MFSD2B: variants seen among roughly 807,000 people sequenced by gnomAD.
MFSD2B encodes sphingosine-1-phosphate transporter MFSD2B.
Under a neutral mutation model 58.4 loss-of-function variants are expected in MFSD2B, and 56 were observed. That is an observed-to-expected ratio of 0.96 (90% CI 0.77 to 1.20). The LOEUF is 1.20. Ranked by LOEUF, MFSD2B falls within the 50% of genes most tolerant of loss-of-function variation. The pLI is 0.00. For missense variants in MFSD2B, 645 were observed against 667.6 expected (o/e 0.97, Z 0.37); for synonymous variants, 287 against 294.4 (o/e 0.97, Z 0.26).
intron 1 of MFSD2B, among the ~76,000 whole-genome samples, chr2:24,011,332 A>G (rs2150936255): frequency 6.6e-6 from 1 of 152,376 alleles, no homozygotes; most frequent in African/African-American, 2.4e-5. Flanking sequence ...GGGGGATACA[A>G]GAGTCCCCAT....
rs766988877 is a variant in MFSD2B at position 24,016,869 on chromosome 2, C to T, written c.372C>T (p.Ile124=). ...MPWVLGCTPF[I]ALAYFFLWFL... is the part of the protein sequence containing the mutation. Reference sequence around the variant, plus strand: ...GGGTGCTGGGCTGCACCCCCTTCATCGCCCTGGCCTACTTCTTCCTGTGGT... The same window carrying T: ...GGGTGCTGGGCTGCACCCCCTTCATTGCCCTGGCCTACTTCTTCCTGTGGT... Residue 124 remains isoleucine (I), a synonymous_variant, in exon 4 of 14, where the codon ATC becomes ATT. Coordinates refer to ENST00000338315, the MANE Select transcript of MFSD2B (RefSeq NM_001346880.2). 7.4e-6 allele frequency: 12 copies of T among 1,613,636 alleles called. No individual in the cohort carries two copies. In the African/African-American group the frequency reaches 8.0e-5, roughly 11 times the overall value.
In MFSD2B at chr2:24,023,061, G is replaced by A. The variant is rs1462769420; in HGVS notation, c.1060-69G>A. On this transcript the variant is annotated intron_variant, in intron 10 of 13. Transcript: ENST00000338315. The surrounding 1 kb of genome is among the most constrained non-coding windows in gnomAD (Gnocchi z 5.0). ...GCAAGGCATGGGGGTCGTCAGTCGA[G>A]TCGTGTGTGAAGGAGCAGGCCCCAC... The A allele has an allele frequency of 4.2e-6, 6 of 1,416,524 alleles. No homozygotes were observed. Among genetic ancestry groups the A allele is most frequent in the Non-Finnish European group, 6.0e-6 (6 of 1,006,308 alleles). The allele number at this position is 1,416,524 out of a possible 1,614,324, so 87.7% of individuals were successfully genotyped here.
chr2:24,025,318 A>T, intron 13 of MFSD2B, 114 bp from the exon 14 acceptor site: 4 of 871,526 alleles, frequency 4.6e-6, no homozygotes, highest in Non-Finnish European at 7.4e-6. Context: ...GGAGTTGAAG[A>T]GGAGTTGCTG....
In MFSD2B at chr2:24,022,767, C is replaced by A; in HGVS notation, c.979-55C>A. 2 of 1,371,434 alleles carry A rather than the reference C, an allele frequency of 1.5e-6. No homozygotes were observed. The highest frequency in any genetic ancestry group is 2.0e-6 in the Non-Finnish European group (2 of 1,020,958). 85.0% of individuals were successfully genotyped at this position (1,371,434 alleles called of 1,614,324 possible). On this transcript the variant is annotated intron_variant, in intron 9 of 13. Coordinates refer to ENST00000338315, the MANE Select transcript of MFSD2B (RefSeq NM_001346880.2). The surrounding 1 kb of genome is among the most constrained non-coding windows in gnomAD (Gnocchi z 4.5). The stretch of plus-strand genomic sequence containing the variant: ...ATCTAAAAGCCAAGGCCTTGGGGTC[C>A]CAGGCAAAGGCGCTGGCAGCACGGC...
At chr2:24,011,971 TG>T (rs1708968407) in intron 1 of MFSD2B, among the ~76,000 whole-genome samples, 1 of 151,912 alleles carries the variant, frequency 6.6e-6, no homozygotes, top group African/African-American at 2.4e-5. Flanking sequence ...GCAACAGACT[TG>T]ATGATTTTGA....
Position 24,022,827 on chromosome 2 carries a change from A to C in MFSD2B, c.984A>C (p.Ser328=). 1 of 1,595,112 alleles carries C rather than the reference A, an allele frequency of 6.3e-7. No individual in the cohort carries two copies. Among genetic ancestry groups the C allele is most frequent in the South Asian group, 1.1e-5 (1 of 87,348 alleles). The change falls in exon 10 of 14, where the codon TCA becomes TCC. Residue 328 remains serine, a synonymous_variant. Transcript: ENST00000338315. The surrounding 1 kb of genome is among the most constrained non-coding windows in gnomAD (Gnocchi z 4.5). The part of the protein sequence containing the change: ...VQGLVLTVLV[S]AVLSTPLWEW... Reference sequence around the variant, plus strand: ...ACGATGCTGTCTGCTCACAGGTCTCAGCCGTGCTGAGCACCCCGCTGTGGG... The same window carrying C: ...ACGATGCTGTCTGCTCACAGGTCTCCGCCGTGCTGAGCACCCCGCTGTGGG...
intron 1 of MFSD2B, among the ~76,000 whole-genome samples, chr2:24,011,512 CCTT>C (rs1248165310): frequency 5.9e-5 from 9 of 152,092 alleles, no homozygotes; most frequent in Non-Finnish European, 1.3e-4. Context: ...TCTGGGGAGA[CCTT>C]CCCTTCACAA....
In MFSD2B at chr2:24,020,495, C is replaced by T. The variant is rs1573641757; in HGVS notation, c.682-1153C>T. The stretch of plus-strand genomic sequence containing the variant: ...TCTGTCCCGAACTGGCTGTGACTCT[C>T]GTGCATGTCTTTATAGGCATTTTAA... On this transcript the variant is annotated intron_variant, in intron 6 of 13. Coordinates refer to ENST00000338315, the MANE Select transcript of MFSD2B (RefSeq NM_001346880.2). The surrounding 1 kb of genome is among the most constrained non-coding windows in gnomAD (Gnocchi z 4.1). Among the ~76,000 whole-genome samples the T allele has an allele frequency of 2.6e-5, 4 of 152,142 alleles. No individual in the cohort carries two copies. Among genetic ancestry groups the T allele is most frequent in the African/African-American group, 9.6e-5 (4 of 41,504 alleles).
intron 13 of MFSD2B, 120 bp from the exon 14 acceptor site, chr2:24,025,312 T>C: frequency 2.4e-6 from 2 of 836,634 alleles, no homozygotes; most frequent in Non-Finnish European, 2.0e-6. Flanking sequence ...AGGGGAGGAG[T>C]TGAAGAGGAG....
chr2:24,017,898 G>A lies in MFSD2B; in HGVS notation c.681+310G>A, dbSNP rs1709218729. Among the ~76,000 whole-genome samples the A allele has an allele frequency of 6.6e-6, 1 of 152,124 alleles. No individual in the cohort carries two copies. The highest frequency in any genetic ancestry group is 1.5e-5 in the Non-Finnish European group (1 of 68,020). Reference sequence around the variant, plus strand: ...TGGGGAAAGCCGCAGGACAGGCTAGGGGAGGGGGCAGCAGAGGGGTCTGCT... The same window carrying A: ...TGGGGAAAGCCGCAGGACAGGCTAGAGGAGGGGGCAGCAGAGGGGTCTGCT... On this transcript the variant is annotated intron_variant, in intron 6 of 13. Transcript: ENST00000338315. This position sits in a 1 kb window ranked among gnomAD's most constrained non-coding sequence, Gnocchi z 4.8.
rs185391715 is a variant in MFSD2B at position 24,010,870 on chromosome 2, T to G, written c.96+678T>G. 1.8e-3 allele frequency among the ~76,000 whole-genome samples: 272 copies of G among 152,136 alleles called. 1 individual carries two copies. The highest frequency in any genetic ancestry group is 6.4e-3 in the African/African-American group (264 of 41,520). On this transcript the variant is annotated intron_variant, in intron 1 of 13. Transcript: ENST00000338315. ...CCCCTGACCACCTCAGCCCCCAGCC[T>G]GTTCAGGGCTTCCTACGAGGCACCT...
Position 24,025,729 on chromosome 2 carries a change from C to G in MFSD2B, c.*273C>G, listed in dbSNP as rs1662958407. On this transcript the variant is annotated 3_prime_UTR_variant, in exon 14 of 14. Transcript: ENST00000338315. Reference sequence around the variant, plus strand: ...GTCTCTAGAAAAAGGAAGCTCCTGCCCAACCTGGCTTGTGGACCAGTAATA... The same window carrying G: ...GTCTCTAGAAAAAGGAAGCTCCTGCGCAACCTGGCTTGTGGACCAGTAATA... 1 of 438,024 alleles carries G rather than the reference C, an allele frequency of 2.3e-6. No individual in the cohort carries two copies. Among genetic ancestry groups the G allele is most frequent in the African/African-American group, 2.0e-5 (1 of 50,860 alleles). 27.1% of individuals were successfully genotyped at this position (438,024 alleles called of 1,614,324 possible).
chr2:24,023,748 C>CAG lies in MFSD2B; in HGVS notation c.1313+23_1313+24dup. On this transcript the variant is annotated intron_variant, in intron 12 of 13. Coordinates refer to ENST00000338315, the MANE Select transcript of MFSD2B (RefSeq NM_001346880.2). This position sits in a 1 kb window ranked among gnomAD's most constrained non-coding sequence, Gnocchi z 5.0. Reference sequence around the variant, plus strand: ...TGGAGTGAGTCCCAGGGTTAGGATACAGCAGAGGCACCAAGGACCAGTGGG... The same window carrying CAG: ...TGGAGTGAGTCCCAGGGTTAGGATACAGAGCAGAGGCACCAAGGACCAGTGGG... 1 of 1,610,996 alleles carries CAG rather than the reference C, an allele frequency of 6.2e-7. No homozygotes were observed. Among genetic ancestry groups the CAG allele is most frequent in the South Asian group, 1.1e-5 (1 of 90,818 alleles).
At position 24,020,086 on chromosome 2, in the gene MFSD2B, G is replaced by A. The variant is rs1012002259; in HGVS notation, c.682-1562G>A. On this transcript the variant is annotated intron_variant, in intron 6 of 13. Transcript: ENST00000338315. This position sits in a 1 kb window ranked among gnomAD's most constrained non-coding sequence, Gnocchi z 4.1. ...CCAGGACCTGGTGCTAGCTGTCCTG[G>A]TGAGGGGGCCTGGGGTGGTGGAGGC... Among the ~76,000 whole-genome samples, 2 of 152,230 alleles carry A rather than the reference G, an allele frequency of 1.3e-5. No homozygotes were observed. The highest frequency in any genetic ancestry group is 4.8e-5 in the African/African-American group (2 of 41,458).
At chr2:24,018,937 G>A (rs935979792) in intron 6 of MFSD2B, among the ~76,000 whole-genome samples, 4 of 142,982 alleles carry the variant, frequency 2.8e-5, no homozygotes, top group Admixed American at 2.3e-4. Flanking sequence ...TGCAACCTCC[G>A]TCTCCCGGAT....
In MFSD2B at chr2:24,024,410, T is replaced by C; in HGVS notation, c.1490+139T>C. ...CTCTTTCCTTAGCTCAGGGTCACCC[T>C]TTTCTCCTGGATTTTCTTCTCCCAC... On this transcript the variant is annotated intron_variant, in intron 13 of 13. Transcript: ENST00000338315. The surrounding 1 kb of genome is among the most constrained non-coding windows in gnomAD (Gnocchi z 4.3). 2 of 868,646 alleles carry C rather than the reference T, an allele frequency of 2.3e-6. No individual in the cohort carries two copies. Among genetic ancestry groups the C allele is most frequent in the South Asian group, 1.8e-5 (1 of 56,132 alleles). The allele number at this position is 868,646 out of a possible 1,614,324, so 53.8% of individuals were successfully genotyped here.
intron 13 of MFSD2B, among the ~76,000 whole-genome samples, chr2:24,025,184 G>T (rs1246355765): frequency 1.3e-5 from 2 of 152,220 alleles, no homozygotes; most frequent in Non-Finnish European, 2.9e-5. Context: ...GACGGCCTCG[G>T]GCTCTGCAGC....
intron 13 of MFSD2B, among the ~76,000 whole-genome samples, chr2:24,025,117 G>A (rs1345215142): frequency 6.6e-6 from 1 of 152,196 alleles, no homozygotes; most frequent in African/African-American, 2.4e-5. Flanking sequence ...ATATCATGCA[G>A]GCCCACGCGG....
At chr2:24,013,752 A>T (rs964373100) in intron 2 of MFSD2B, among the ~76,000 whole-genome samples, 2 of 66,930 alleles carry the variant, frequency 3.0e-5, no homozygotes, top group Non-Finnish European at 2.7e-5. Context: ...AACAGTATGA[A>T]TTTTTTTGTT....
Sources: allele counts gnomAD v4.1 joint callset (sites outside exome capture counted in the v4.1 genomes callset), GRCh38; gene constraint gnomAD v4.1.1; non-coding constraint Gnocchi (gnomAD v3.1); transcripts MANE v1.5; gene names NCBI Gene and HGNC (gene_info 2026-07-23, HGNC 2026-07-21).